Variants in RABGAP1L observed in about 807,000 individuals in gnomAD.
RABGAP1L encodes the protein rab GTPase-activating protein 1-like.
RABGAP1L carries 63 observed loss-of-function variants against 137.7 expected under a neutral mutation model. That is an observed-to-expected ratio of 0.46 (90% CI 0.37 to 0.56). The LOEUF is 0.56. Among genes scored for constraint, RABGAP1L ranks in the 20% least tolerant of loss-of-function variants. RABGAP1L has a pLI of 0.00. For missense variants in RABGAP1L, 1,095 were observed against 1,244.0 expected (o/e 0.88, Z 1.80); for synonymous variants, 431 against 433.7 (o/e 0.99, Z 0.08).
chr1:174,843,506 C>T (rs1275068916), intron 19 of RABGAP1L, among the ~76,000 whole-genome samples: 3 of 145,708 alleles, frequency 2.1e-5, no homozygotes, highest in African/African-American at 7.7e-5. Context: ...CGATAGTTTA[C>T]TGAGAATGAT....
chr1:174,552,119 C>T (rs1572293501), intron 13 of RABGAP1L, among the ~76,000 whole-genome samples: 1 of 152,040 alleles, frequency 6.6e-6, no homozygotes, highest in Non-Finnish European at 1.5e-5. Flanking sequence ...TTATCCTTTC[C>T]ATTTTGGCAT....
At chr1:174,219,440 G>T in intron 2 of RABGAP1L, 145 bp downstream of exon 2, 5 of 561,246 alleles carry the variant, frequency 8.9e-6, no homozygotes, top group South Asian at 1.3e-4. Flanking sequence ...CTAATTATTT[G>T]GTTTGTGTAT....
intron 1 of RABGAP1L, among the ~76,000 whole-genome samples, chr1:174,213,185 G>A (rs530726395): frequency 7.2e-4 from 110 of 152,332 alleles, no homozygotes; most frequent in Non-Finnish European, 1.4e-3. Flanking sequence ...AGCACTTTGG[G>A]AGGCTGAGGT....
At chr1:174,841,972 A>T (rs900529620) in intron 19 of RABGAP1L, among the ~76,000 whole-genome samples, 1 of 152,130 alleles carries the variant, frequency 6.6e-6, no homozygotes, top group African/African-American at 2.4e-5. Flanking sequence ...AGCACTAGTG[A>T]CTCAAATAGT....
At chr1:174,408,176 A>G (rs1205389192) in intron 13 of RABGAP1L, among the ~76,000 whole-genome samples, 1 of 152,100 alleles carries the variant, frequency 6.6e-6, no homozygotes, top group Non-Finnish European at 1.5e-5. Flanking sequence ...CACTTGGGTA[A>G]TGAGCATAGT....
chr1:174,838,015 C>T (rs1358635786), intron 19 of RABGAP1L, among the ~76,000 whole-genome samples: 1 of 152,102 alleles, frequency 6.6e-6, no homozygotes, highest in African/African-American at 2.4e-5. Flanking sequence ...CCCTTTAACC[C>T]CTTGAAAACT....
intron 19 of RABGAP1L, among the ~76,000 whole-genome samples, chr1:174,934,474 T>C (rs1403478040): frequency 6.6e-6 from 1 of 152,102 alleles, no homozygotes; most frequent in Non-Finnish European, 1.5e-5. Flanking sequence ...GTACTGGCTG[T>C]GTTTTCTACA....
chr1:174,202,753 T>C (rs541546499), intron 1 of RABGAP1L, among the ~76,000 whole-genome samples: 1 of 152,216 alleles, frequency 6.6e-6, no homozygotes, highest in Non-Finnish European at 1.5e-5. Flanking sequence ...TGGTATTGCC[T>C]AGGTTTTCTT....
chr1:174,589,998 A>C lies in RABGAP1L; in HGVS notation c.1711-47377A>C, dbSNP rs116509208. Among the ~76,000 whole-genome samples, 648 of 152,230 alleles carry C rather than the reference A, an allele frequency of 4.3e-3. 4 individuals carry two copies. Among genetic ancestry groups the C allele is most frequent in the South Asian group, 0.011 (55 of 4,824 alleles). ...TTATTTATTTATATTTCTGTGAAGA[A>C]TGAGATTGATACTTTGATTCGGATT... On this transcript the variant is annotated intron_variant, in intron 13 of 25. Transcript: ENST00000681986.
intron 11 of RABGAP1L, among the ~76,000 whole-genome samples, chr1:174,337,724 G>C (rs569259313): frequency 1.3e-5 from 2 of 152,080 alleles, no homozygotes; most frequent in African/African-American, 4.8e-5. Flanking sequence ...GACATGAAAA[G>C]GTGTCTGAGT....
At chr1:174,817,426 G>A (rs1051905570) in intron 19 of RABGAP1L, among the ~76,000 whole-genome samples, 3 of 152,300 alleles carry the variant, frequency 2.0e-5, no homozygotes, top group Non-Finnish European at 4.4e-5. Context: ...GATGTTTCAT[G>A]CAGACAATAT....
intron 12 of RABGAP1L, among the ~76,000 whole-genome samples, chr1:174,387,963 A>G (rs1272427205): frequency 6.6e-6 from 1 of 152,140 alleles, no homozygotes; most frequent in African/African-American, 2.4e-5. Context: ...ACAGAAGTAT[A>G]AACTACTATG....
intron 1 of RABGAP1L, among the ~76,000 whole-genome samples, chr1:174,212,106 A>C (rs1668941510): frequency 6.6e-6 from 1 of 152,156 alleles, no homozygotes; most frequent in Non-Finnish European, 1.5e-5. Context: ...ATCAGACTTA[A>C]TGTGCCTTAT....
intron 1 of RABGAP1L, among the ~76,000 whole-genome samples, chr1:174,204,393 A>G (rs1255714246): frequency 6.6e-6 from 1 of 152,120 alleles, no homozygotes; most frequent in Non-Finnish European, 1.5e-5. Flanking sequence ...TTCTGTTTGA[A>G]TGCTCTTTCT....
intron 13 of RABGAP1L, among the ~76,000 whole-genome samples, chr1:174,546,773 G>T (rs1204513932): frequency 6.6e-6 from 1 of 152,164 alleles, no homozygotes; most frequent in African/African-American, 2.4e-5. Flanking sequence ...GCTCACGCCT[G>T]TAATCCCAGC....
chr1:174,635,882 C>T (rs1457033707), intron 13 of RABGAP1L, among the ~76,000 whole-genome samples: 1 of 152,076 alleles, frequency 6.6e-6, no homozygotes, highest in African/African-American at 2.4e-5. Context: ...GTATACTTCG[C>T]AGCTATCAAG....
chr1:174,782,737 C>G (rs1281842722), intron 18 of RABGAP1L, among the ~76,000 whole-genome samples: 2 of 152,160 alleles, frequency 1.3e-5, no homozygotes, highest in Non-Finnish European at 2.9e-5. Flanking sequence ...ATTCCTAAAC[C>G]TAGCTGTGGA....
intron 13 of RABGAP1L, among the ~76,000 whole-genome samples, chr1:174,473,576 T>C (rs1658177397): frequency 6.6e-6 from 1 of 152,182 alleles, no homozygotes; most frequent in Admixed American, 6.5e-5. Flanking sequence ...TTTCTCTTGC[T>C]AGTTAATAGA....
At chr1:174,580,576 A>T (rs997453022) in intron 13 of RABGAP1L, among the ~76,000 whole-genome samples, 1 of 152,162 alleles carries the variant, frequency 6.6e-6, no homozygotes, top group African/African-American at 2.4e-5. Flanking sequence ...TGGGAATCGA[A>T]CAATGAGAAC....
Sources: gnomAD v4.1 joint callset for allele counts (sites outside exome capture counted in the v4.1 genomes callset) on GRCh38, gnomAD v4.1.1 for gene constraint, MANE v1.5 for transcripts, NCBI Gene and HGNC (gene_info 2026-07-23, HGNC 2026-07-21) for gene names.